The following FAM20C variants were observed in gnomAD, a reference collection of about 807,000 sequenced individuals.
FAM20C encodes extracellular serine/threonine protein kinase FAM20C.
In FAM20C, 40 loss-of-function variants were observed where a neutral mutation model predicts 51.5. The observed-to-expected ratio is 0.78, with a 90% CI of 0.60 to 1.01. The LOEUF (loss-of-function observed/expected upper bound fraction) is 1.01, where lower values mean the gene tolerates loss of function less well. Ranked by LOEUF, FAM20C falls within the 50% of genes least tolerant of loss-of-function variation. The pLI is 0.00. For missense variants in FAM20C, 861 were observed against 844.7 expected (o/e 1.02, Z -0.24); for synonymous variants, 406 against 380.6 (o/e 1.07, Z -0.78).
At position 246,445 on chromosome 7, in the gene FAM20C, CT is replaced by C. The variant is rs1261053639; in HGVS notation, c.901del (p.Tyr301IlefsTer36). 6.9e-7 allele frequency: 1 copy of C among 1,445,244 alleles called. No individual in the cohort carries two copies. Among genetic ancestry groups the C allele is most frequent in the Non-Finnish European group, 9.0e-7 (1 of 1,107,002 alleles). 89.5% of individuals were successfully genotyped at this position (1,445,244 alleles called of 1,614,324 possible). A position where few individuals can be genotyped will look rare whatever the true frequency, so the allele number is the denominator to read the frequency against. ...QTREQETPPD[F>X]FYFSDYERHN... Reference sequence around the variant, plus strand: ...CGAGGGAGCAGGAGACACCCCCTGACTTTTTTTATTTCTCTGACTACGAGAG... The same window carrying C: ...CGAGGGAGCAGGAGACACCCCCTGACTTTTTTATTTCTCTGACTACGAGAG... On this transcript the variant is annotated frameshift_variant, in exon 4 of 10. Transcript: ENST00000313766. LOFTEE classifies it high-confidence loss of function.
chr7:258,250 CT>C (rs1562401701), intron 8 of FAM20C, among the ~76,000 whole-genome samples: 6 of 138,690 alleles, frequency 4.3e-5, no homozygotes, highest in African/African-American at 1.5e-4. Flanking sequence ...GACCCACTGC[CT>C]GAGGTGCTGG....
chr7:228,570 C>T (rs540904534), intron 3 of FAM20C: 33 of 456,224 alleles, frequency 7.2e-5, no homozygotes, highest in African/African-American at 6.4e-4. Flanking sequence ...GCTGCCTACA[C>T]CCCCAGCTCT....
chr7:203,373 C>T (rs1419441595), intron 2 of FAM20C, among the ~76,000 whole-genome samples: 1 of 152,190 alleles, frequency 6.6e-6, no homozygotes, highest in Non-Finnish European at 1.5e-5. Context: ...CCCAAAATTG[C>T]ACCTTTTTTT....
chr7:198,931 G>T (rs541205661), intron 2 of FAM20C, among the ~76,000 whole-genome samples: 1 of 152,206 alleles, frequency 6.6e-6, no homozygotes. Flanking sequence ...GCTGCCTTGG[G>T]CTTGGAGATG....
At chr7:235,007 A>G (rs1449402599) in intron 3 of FAM20C, among the ~76,000 whole-genome samples, 1 of 152,078 alleles carries the variant, frequency 6.6e-6, no homozygotes, top group Non-Finnish European at 1.5e-5. Context: ...TCATGCCAGG[A>G]ATGGGCCCCG....
chr7:223,313 G>A (rs116847872), intron 3 of FAM20C, among the ~76,000 whole-genome samples: 2,506 of 152,292 alleles, frequency 0.016, 15 homozygotes, highest in South Asian at 0.026. Flanking sequence ...GCTCCACGGC[G>A]GGTGGGTGCT....
intron 2 of FAM20C, among the ~76,000 whole-genome samples, chr7:203,544 T>C (rs1221602833): frequency 6.6e-6 from 1 of 152,234 alleles, no homozygotes; most frequent in Non-Finnish European, 1.5e-5. Flanking sequence ...TGTGTCGGTC[T>C]TTGCAAGGAG....
In FAM20C at chr7:201,223, C is replaced by T. The variant is rs551276647; in HGVS notation, c.784+5491C>T. The stretch of plus-strand genomic sequence containing the variant: ...CAGTGGCTGTGAAGAGCAGGGGGAC[C>T]GCCTGACCGTGACCCCCAAGGACAG... On this transcript the variant is annotated intron_variant, in intron 2 of 9. Transcript: ENST00000313766. Among the ~76,000 whole-genome samples, 7 of 152,268 alleles carry T rather than the reference C, an allele frequency of 4.6e-5. No homozygotes were observed. The South Asian group carries it at 1.5e-3, about 32-fold the overall frequency.
chr7:195,610 A>G lies in FAM20C; in HGVS notation c.662A>G (p.Asp221Gly), dbSNP rs1307307736. 4 of 1,604,454 alleles carry G rather than the reference A, an allele frequency of 2.5e-6. No homozygotes were observed. The highest frequency in any genetic ancestry group is 1.1e-5 in the South Asian group (1 of 89,794). Residue 221 changes from aspartate (D) to glycine (G), a missense_variant, in exon 2 of 10, where the codon GAC becomes GGC. Transcript: ENST00000313766. ...CTCTCCCCCGGGGAGGCGGCCGTGG[A>G]CTCCTATCCCAACTGGCTCAAGTTC... ...EFLSPGEAAV[D>G]SYPNWLKFHI...
Position 258,879 on chromosome 7 carries a change from G to A in FAM20C, c.1505+174G>A, listed in dbSNP as rs151187312. Reference sequence around the variant, plus strand: ...CACCCTCACTCGGCGGCCTGGAGGCGCAGACCTCACCCGCCCACCACCCCA... The same window carrying A: ...CACCCTCACTCGGCGGCCTGGAGGCACAGACCTCACCCGCCCACCACCCCA... On this transcript the variant is annotated intron_variant, in intron 9 of 9. Coordinates refer to ENST00000313766, the MANE Select transcript of FAM20C (RefSeq NM_020223.4). Among the ~76,000 whole-genome samples, 1,250 of 152,164 alleles carry A rather than the reference G, an allele frequency of 8.2e-3. 15 individuals carry two copies. Among genetic ancestry groups the A allele is most frequent in the African/African-American group, 0.028 (1,179 of 41,504 alleles).
chr7:220,612 C>T (rs1380739113), intron 3 of FAM20C, among the ~76,000 whole-genome samples: 3 of 152,146 alleles, frequency 2.0e-5, no homozygotes, highest in Non-Finnish European at 2.9e-5. Flanking sequence ...TAGGAGGCGG[C>T]GTTGGAGCTG....
chr7:252,056 G>A (rs894594692), intron 5 of FAM20C, among the ~76,000 whole-genome samples: 1 of 152,130 alleles, frequency 6.6e-6, no homozygotes, highest in African/African-American at 2.4e-5. Context: ...CAGGAGCCCG[G>A]ATTCCTCTCC....
rs114930151 is a variant in FAM20C at position 222,649 on chromosome 7, T to G, written c.863+13673T>G. On this transcript the variant is annotated intron_variant, in intron 3 of 9. Transcript: ENST00000313766. Reference sequence around the variant, plus strand: ...GCTGGAGAGCGGAAGTGAGGGGCCCTGAGGTGCCAACCAAAGGCTGGAGAG... The same window carrying G: ...GCTGGAGAGCGGAAGTGAGGGGCCCGGAGGTGCCAACCAAAGGCTGGAGAG... Among the ~76,000 whole-genome samples, 284 of 152,092 alleles carry G rather than the reference T, an allele frequency of 1.9e-3. 1 individual carries two copies. The highest frequency in any genetic ancestry group is 6.3e-3 in the African/African-American group (260 of 41,470).
intron 3 of FAM20C, chr7:229,197 C>T (rs1302996817): frequency 7.8e-6 from 2 of 255,120 alleles, no homozygotes; most frequent in East Asian, 8.9e-5. Context: ...GTCTGGGCTC[C>T]GATGTGTGGG....
At position 193,148 on chromosome 7, in the gene FAM20C, A is replaced by C; in HGVS notation, c.-52A>C. The C allele has an allele frequency of 1.4e-6, 2 of 1,393,874 alleles. No homozygotes were observed. The highest frequency in any genetic ancestry group is 1.9e-6 in the Non-Finnish European group (2 of 1,059,674). The allele number at this position is 1,393,874 out of a possible 1,614,324, so 86.3% of individuals were successfully genotyped here. A position where few individuals can be genotyped will look rare whatever the true frequency, so the allele number is the denominator to read the frequency against. On this transcript the variant is annotated 5_prime_UTR_variant, in exon 1 of 10. The change abolishes the stop of an existing upstream ORF in the 5' untranslated region. Coordinates refer to ENST00000313766, the MANE Select transcript of FAM20C (RefSeq NM_020223.4). The stretch of plus-strand genomic sequence containing the variant: ...GCCGCGCTCGTGCCCAGCTGCAGCT[A>C]GAGGGGCGCGCGGGCAGAACGCGCT...
chr7:249,594 GC>G (rs1788315981), intron 5 of FAM20C, among the ~76,000 whole-genome samples: 1 of 152,172 alleles, frequency 6.6e-6, no homozygotes, highest in African/African-American at 2.4e-5. Flanking sequence ...TAAAAAATTA[GC>G]CAGCCGTGGT....
At chr7:248,093 G>C (rs527902877) in intron 4 of FAM20C, among the ~76,000 whole-genome samples, 3 of 152,324 alleles carry the variant, frequency 2.0e-5, no homozygotes, top group African/African-American at 7.2e-5. Context: ...GTGAGGCATC[G>C]CCAGCCCCAG....
intron 3 of FAM20C, among the ~76,000 whole-genome samples, chr7:233,201 G>A (rs1313765900): frequency 2.0e-5 from 3 of 152,214 alleles, no homozygotes; most frequent in Non-Finnish European, 2.9e-5. Flanking sequence ...CGCCTGGCCC[G>A]GGGATGCACG....
chr7:251,118 C>T (rs1037893124), intron 5 of FAM20C, among the ~76,000 whole-genome samples: 5 of 136,930 alleles, frequency 3.7e-5, no homozygotes, highest in African/African-American at 5.2e-5. Flanking sequence ...GGGGGCAGGT[C>T]GTTTCCTCCC....
Sources: gnomAD v4.1 joint callset for allele counts (sites outside exome capture counted in the v4.1 genomes callset) on GRCh38, gnomAD v4.1.1 for gene constraint, MANE v1.5 for transcripts, NCBI Gene and HGNC (gene_info 2026-07-23, HGNC 2026-07-21) for gene names.